Variants in EPHX2 observed in about 807,000 individuals in gnomAD.
EPHX2 encodes the protein epoxide hydrolase 2.
Under a neutral mutation model 78.7 loss-of-function variants are expected in EPHX2, and 74 were observed. The ratio of observed to expected loss-of-function variants is 0.94; its 90% confidence interval spans 0.78 to 1.14. EPHX2 has a LOEUF of 1.14. EPHX2 is among the 50% of genes most tolerant of loss of function. The pLI is 0.00. For missense variants in EPHX2, 715 were observed against 702.5 expected, an observed-to-expected ratio of 1.02 and a Z score of -0.20; for synonymous variants, 251 against 255.2, an observed-to-expected ratio of 0.98 and a Z score of 0.16.
In EPHX2 at chr8:27,538,667, A is replaced by G. The variant is rs976652441; in HGVS notation, c.1251A>G (p.Leu417=). Residue 417 remains leucine (L), a synonymous_variant, in exon 14 of 19, where the codon TTA becomes TTG. Coordinates refer to ENST00000521400, the MANE Select transcript of EPHX2 (RefSeq NM_001979.6). ...SLFRASDESV[L]SMHKVCEAGG... ...TTCTTTTCTTCCTTCAGAGTGTTTTATCCATGCATAAAGTCTGTGAAGCGG... is the reference window on the plus strand; with the variant it reads ...TTCTTTTCTTCCTTCAGAGTGTTTTGTCCATGCATAAAGTCTGTGAAGCGG... 58 of 1,613,308 alleles carry G rather than the reference A, an allele frequency of 3.6e-5. No individual in the cohort carries two copies. Among genetic ancestry groups the G allele is most frequent in the Non-Finnish European group, 4.7e-5 (55 of 1,179,526 alleles).
At chr8:27,544,148 T>G (rs1585228287) in intron 17 of EPHX2, 38 bp from the exon 18 acceptor site, 1 of 1,612,596 alleles carries the variant, frequency 6.2e-7, no homozygotes, top group Non-Finnish European at 8.5e-7. Flanking sequence ...CCCATCTGCC[T>G]TCTTCCATTT....
intron 10 of EPHX2, 21 bp from the exon 11 acceptor site, chr8:27,522,402 C>A: frequency 6.5e-7 from 1 of 1,542,570 alleles, no homozygotes; most frequent in Non-Finnish European, 9.0e-7. Context: ...ACATTCGGCT[C>A]CCTTCTTTTT....
downstream of EPHX2, among the ~76,000 whole-genome samples, chr8:27,546,729 C>A (rs72478918): frequency 3.9e-5 from 6 of 152,326 alleles, no homozygotes; most frequent in East Asian, 1.2e-3. Context: ...GCTCCTTTGG[C>A]AAGTAAGAGT....
At chr8:27,529,292 G>A (rs1814953379) in intron 12 of EPHX2, among the ~76,000 whole-genome samples, 1 of 152,226 alleles carries the variant, frequency 6.6e-6, no homozygotes, top group Non-Finnish European at 1.5e-5. Flanking sequence ...CTTTCCATGT[G>A]TATAGTGAGA....
chr8:27,506,854 A>G lies in EPHX2; in HGVS notation c.538-18A>G. The G allele has an allele frequency of 6.2e-7, 1 of 1,612,146 alleles. No individual in the cohort carries two copies. Reference sequence around the variant, plus strand: ...GTGAGTTTCTTTCTGAGATTCTCCCATGCTGTTTTGGGCTCAGGTCGTTTT... The same window carrying G: ...GTGAGTTTCTTTCTGAGATTCTCCCGTGCTGTTTTGGGCTCAGGTCGTTTT... On this transcript the variant is annotated intron_variant, in intron 4 of 18. Transcript: ENST00000521400.
At chr8:27,493,084 T>C in intron 1 of EPHX2, 1 of 173,230 alleles carries the variant, frequency 5.8e-6, no homozygotes, top group Non-Finnish European at 1.2e-5. Flanking sequence ...GGGGTTCCAT[T>C]TGTAAGACCA....
chr8:27,510,593 G>A (rs1814201947), intron 5 of EPHX2, among the ~76,000 whole-genome samples: 1 of 152,098 alleles, frequency 6.6e-6, no homozygotes, highest in Non-Finnish European at 1.5e-5. Context: ...CGTTCAAGGA[G>A]GTAATGAAGT....
chr8:27,494,170 G>T (rs976586760), intron 1 of EPHX2, among the ~76,000 whole-genome samples: 3 of 152,284 alleles, frequency 2.0e-5, no homozygotes, highest in Admixed American at 1.3e-4. Flanking sequence ...ATCAGTTGGG[G>T]CTTGAAGTTA....
intron 8 of EPHX2, 127 bp from the exon 9 acceptor site, chr8:27,517,911 G>GT (rs771782843): frequency 1.9e-5 from 14 of 718,268 alleles, no homozygotes; most frequent in Non-Finnish European, 3.3e-5. Context: ...TAAGGATTTA[G>GT]TAAGTTTTTG....
intron 14 of EPHX2, among the ~76,000 whole-genome samples, chr8:27,540,325 C>G (rs945309500): frequency 6.6e-6 from 1 of 152,022 alleles, no homozygotes; most frequent in East Asian, 1.9e-4. Flanking sequence ...CCCGTGAAGT[C>G]GTGGCTAGGT....
chr8:27,510,788 TAA>T (rs879735636), intron 5 of EPHX2, among the ~76,000 whole-genome samples: 1 of 145,490 alleles, frequency 6.9e-6, no homozygotes. Flanking sequence ...ATCCTGTCTT[TAA>T]AAAAAAAAAA....
rs1418326965 is a variant in EPHX2, at chr8:27,520,873, TCTTC to T, written c.946-6_946-3del. On this transcript the variant is annotated splice_polypyrimidine_tract_variant and splice_region_variant and intron_variant, in intron 9 of 18. Coordinates refer to ENST00000521400, the MANE Select transcript of EPHX2 (RefSeq NM_001979.6). ...TTGCTGATTTTGCCTGTGTGTGTCT[TCTTC>T]CTTAGGAGATGGTAACCTTCCTGGA... The T allele has an allele frequency of 6.2e-7, 1 of 1,614,092 alleles. No homozygotes were observed. The highest frequency in any genetic ancestry group is 8.5e-7 in the Non-Finnish European group (1 of 1,180,050).
intron 12 of EPHX2, among the ~76,000 whole-genome samples, chr8:27,535,163 A>ATATTTTATTT (rs58760249): frequency 6.6e-6 from 1 of 151,872 alleles, no homozygotes; most frequent in African/African-American, 2.4e-5. Flanking sequence ...TGTTACAGAA[A>ATATTTTATTT]TATTTTATTT....
At chr8:27,532,656 C>G (rs1051424543) in intron 12 of EPHX2, among the ~76,000 whole-genome samples, 1 of 152,150 alleles carries the variant, frequency 6.6e-6, no homozygotes, top group African/African-American at 2.4e-5. Context: ...GTAGACACAT[C>G]ACGCCCGTCC....
intron 4 of EPHX2, 113 bp downstream of exon 4, chr8:27,505,259 G>A (rs1813960355): frequency 4.0e-6 from 4 of 1,001,434 alleles, no homozygotes; most frequent in Middle Eastern, 2.1e-4. Context: ...ACAGCTCTGA[G>A]TCCACTTCTC....
intron 5 of EPHX2, among the ~76,000 whole-genome samples, chr8:27,507,205 C>G (rs79443149): frequency 1.3e-5 from 2 of 152,294 alleles, no homozygotes; most frequent in East Asian, 1.9e-4. Context: ...AACAGGGAGA[C>G]AAGAATTTAT....
At chr8:27,513,825 C>G (rs1814344234) in intron 6 of EPHX2, among the ~76,000 whole-genome samples, 1 of 152,140 alleles carries the variant, frequency 6.6e-6, no homozygotes, top group African/African-American at 2.4e-5. Flanking sequence ...CACAGGCGAA[C>G]TAGGATCGTT....
intron 12 of EPHX2, among the ~76,000 whole-genome samples, chr8:27,532,104 C>G (rs1409061092): frequency 1.3e-5 from 2 of 152,088 alleles, no homozygotes; most frequent in Non-Finnish European, 2.9e-5. Context: ...CCTCCAGACC[C>G]CCACCCTGCG....
intron 1 of EPHX2, among the ~76,000 whole-genome samples, chr8:27,497,039 A>G (rs1586428093): frequency 6.6e-6 from 1 of 152,230 alleles, no homozygotes; most frequent in Non-Finnish European, 1.5e-5. Context: ...AGCTGGTTAC[A>G]GGCTGTCCCA....
Sources: gnomAD v4.1 joint callset for allele counts (sites outside exome capture counted in the v4.1 genomes callset) on GRCh38, gnomAD v4.1.1 for gene constraint, MANE v1.5 for transcripts, NCBI Gene and HGNC (gene_info 2026-07-23, HGNC 2026-07-21) for gene names.